The following GRID2 variants were observed in gnomAD, a reference collection of about 807,000 sequenced individuals.
GRID2 encodes glutamate ionotropic receptor delta type subunit 2, also known as glutamate receptor ionotropic, delta-2.
GRID2 carries 33 observed loss-of-function variants against 114.8 expected under a neutral mutation model. That is an observed-to-expected ratio of 0.29 (90% CI 0.22 to 0.38). GRID2 has a LOEUF of 0.38. Ranked by LOEUF, GRID2 falls within the 10% of genes least tolerant of loss-of-function variation. GRID2 has a pLI of 1.00. For missense variants in GRID2, 1,184 were observed against 1,257.7 expected (o/e 0.94, Z 0.89); for synonymous variants, 505 against 449.9 (o/e 1.12, Z -1.55).
At chr4:92,689,804 T>C (rs1351898006) in intron 2 of GRID2, among the ~76,000 whole-genome samples, 3 of 152,202 alleles carry the variant, frequency 2.0e-5, no homozygotes, top group Non-Finnish European at 4.4e-5. Context: ...ACCTTCATTT[T>C]ATGGAGATAG....
chr4:92,685,409 G>A (rs1733850909), intron 2 of GRID2, among the ~76,000 whole-genome samples: 1 of 152,038 alleles, frequency 6.6e-6, no homozygotes, highest in Non-Finnish European at 1.5e-5. Context: ...AAGAATCAGG[G>A]AAGGATGAAG....
intron 2 of GRID2, among the ~76,000 whole-genome samples, chr4:92,952,112 T>C (rs978047227): frequency 6.6e-6 from 1 of 152,216 alleles, no homozygotes; most frequent in Non-Finnish European, 1.5e-5. Context: ...ATTCATATTT[T>C]GCCAAATTGC....
chr4:93,299,969 G>A (rs1754697527), intron 8 of GRID2, among the ~76,000 whole-genome samples: 2 of 152,168 alleles, frequency 1.3e-5, no homozygotes, highest in South Asian at 4.1e-4. Context: ...CAAATCTGCA[G>A]ATGCCCAAGT....
intron 2 of GRID2, among the ~76,000 whole-genome samples, chr4:92,863,645 C>A (rs910387497): frequency 6.6e-6 from 1 of 152,060 alleles, no homozygotes; most frequent in Non-Finnish European, 1.5e-5. Flanking sequence ...TCACTTTCAT[C>A]ATTTTTACTG....
At chr4:93,150,026 C>T (rs1430594932) in intron 4 of GRID2, among the ~76,000 whole-genome samples, 2 of 151,970 alleles carry the variant, frequency 1.3e-5, no homozygotes, top group African/African-American at 4.8e-5. Context: ...TGCACTTCGA[C>T]AGAGGGCAAA....
intron 1 of GRID2, among the ~76,000 whole-genome samples, chr4:92,583,970 T>C (rs1407324943): frequency 1.3e-5 from 2 of 151,156 alleles, no homozygotes; most frequent in African/African-American, 4.8e-5. Context: ...ATTGTAATGA[T>C]ATCCCACTGA....
intron 8 of GRID2, among the ~76,000 whole-genome samples, chr4:93,250,618 A>G (rs1446190650): frequency 6.8e-6 from 1 of 147,624 alleles, no homozygotes; most frequent in African/African-American, 2.5e-5. Context: ...AGAGAGCAAA[A>G]CTTTTCTACT....
chr4:93,692,042 C>CA (rs1216848740), intron 14 of GRID2, among the ~76,000 whole-genome samples: 17 of 151,514 alleles, frequency 1.1e-4, no homozygotes, highest in African/African-American at 4.1e-4. Context: ...ATCAAGAAGT[C>CA]AAAAAAGTCA....
chr4:92,343,918 A>G (rs1395961141), intron 1 of GRID2, among the ~76,000 whole-genome samples: 1 of 152,212 alleles, frequency 6.6e-6, no homozygotes, highest in Non-Finnish European at 1.5e-5. Flanking sequence ...TAAGCCAAAG[A>G]AATCATAAGG....
At chr4:92,546,041 T>C (rs549934721) in intron 1 of GRID2, among the ~76,000 whole-genome samples, 1 of 152,304 alleles carries the variant, frequency 6.6e-6, no homozygotes, top group South Asian at 2.1e-4. Context: ...TTGTTGTTAG[T>C]TTCCGATACA....
rs72885772 is a variant in GRID2, at chr4:93,068,085, C to G, written c.245-16910C>G. Among the ~76,000 whole-genome samples, 1,294 of 152,080 alleles carry G rather than the reference C, an allele frequency of 8.5e-3. 26 individuals are homozygous for G. The highest frequency in any genetic ancestry group is 0.029 in the African/African-American group (1,222 of 41,512). ...AGTTGATTGAATCACTGGTTATAGA[C>G]TTTAATCTCAAAGTGATTATGATCT... On this transcript the variant is annotated intron_variant, in intron 2 of 15. Transcript: ENST00000282020.
intron 1 of GRID2, among the ~76,000 whole-genome samples, chr4:92,318,564 G>T (rs986980998): frequency 7.1e-6 from 1 of 140,734 alleles, no homozygotes; most frequent in African/African-American, 2.7e-5. Flanking sequence ...ACCCAGGCTG[G>T]AGTGCAGTGG....
chr4:93,102,796 TCTAAGTTAACAGGGTTATA>T (rs1311421128), intron 3 of GRID2, among the ~76,000 whole-genome samples: 1 of 150,710 alleles, frequency 6.6e-6, no homozygotes, highest in Non-Finnish European at 1.5e-5. Flanking sequence ...GAACTATGAT[TCTAAGTTAACAGGGTTATA>T]CTGGTGGCTA....
intron 4 of GRID2, among the ~76,000 whole-genome samples, chr4:93,189,492 T>G (rs1275088291): frequency 6.6e-6 from 1 of 152,116 alleles, no homozygotes; most frequent in East Asian, 1.9e-4. Flanking sequence ...AGCACCTTCA[T>G]GACTAGGTTT....
chr4:92,372,854 C>T (rs1344371378), intron 1 of GRID2, among the ~76,000 whole-genome samples: 4 of 152,050 alleles, frequency 2.6e-5, no homozygotes, highest in South Asian at 4.1e-4. Flanking sequence ...ATAAGTTATA[C>T]TCCAGAAAAT....
At position 93,519,247 on chromosome 4, in the gene GRID2, A is replaced by T. The variant is rs78724699; in HGVS notation, c.2193+3836A>T. 3.5e-3 allele frequency among the ~76,000 whole-genome samples: 539 copies of T among 152,260 alleles called. 2 individuals are homozygous for T. Among genetic ancestry groups the T allele is most frequent in the African/African-American group, 0.012 (517 of 41,560 alleles). On this transcript the variant is annotated intron_variant, in intron 13 of 15. Transcript: ENST00000282020. Reference sequence around the variant, plus strand: ...ACATGATAACATATTTTGGCAAATCATATGACTATTGTGCTGAAACAAACG... The same window carrying T: ...ACATGATAACATATTTTGGCAAATCTTATGACTATTGTGCTGAAACAAACG...
chr4:92,683,231 G>A (rs1406250720), intron 2 of GRID2, among the ~76,000 whole-genome samples: 3 of 152,002 alleles, frequency 2.0e-5, no homozygotes, highest in Non-Finnish European at 4.4e-5. Context: ...TCCAGAAGGC[G>A]GAGCTTGCAG....
At chr4:92,850,847 A>C in intron 2 of GRID2, among the ~76,000 whole-genome samples, 1 of 151,910 alleles carries the variant, frequency 6.6e-6, no homozygotes, top group East Asian at 1.9e-4. Context: ...TTGAGCAATA[A>C]ATTTCTGGAT....
At chr4:92,363,027 T>C (rs183607491) in intron 1 of GRID2, among the ~76,000 whole-genome samples, 18 of 152,096 alleles carry the variant, frequency 1.2e-4, no homozygotes, top group Non-Finnish European at 2.6e-4. Context: ...AAACTTTGAG[T>C]GACAATTATT....
Sources: gnomAD v4.1 joint callset for allele counts (sites outside exome capture counted in the v4.1 genomes callset) on GRCh38, gnomAD v4.1.1 for gene constraint, MANE v1.5 for transcripts, NCBI Gene and HGNC (gene_info 2026-07-23, HGNC 2026-07-21) for gene names.